BCL11B: variants seen among roughly 807,000 people sequenced by gnomAD.
BCL11B encodes BCL11 transcription factor B.
In BCL11B, 8 loss-of-function variants were observed where a neutral mutation model predicts 49.9. The ratio of observed to expected loss-of-function variants is 0.16; its 90% CI spans 0.09 to 0.29. BCL11B has a LOEUF of 0.29. BCL11B is among the 10% of genes least tolerant of loss of function. BCL11B has a pLI of 1.00. For synonymous variants in BCL11B, 739 were observed against 637.4 expected, an observed-to-expected ratio of 1.16 and a Z score of -2.40; for missense variants, 1,006 against 1,351.0, an observed-to-expected ratio of 0.74 and a Z score of 4.00.
rs1178715307 is a variant in BCL11B, at chr14:99,228,670, CAGA to C, written c.640+2672_640+2674del. ...TAAAATCTAAAAAGGCCTTTAATGC[CAGA>C]AGAAGAGCCAAAGCCAAAGATGTGG... On this transcript the variant is annotated intron_variant, in intron 3 of 3. Transcript: ENST00000357195. The surrounding 1 kb of genome is among the most constrained non-coding windows in gnomAD (Gnocchi z 4.8). 1.3e-5 allele frequency among the ~76,000 whole-genome samples: 2 copies of C among 152,180 alleles called. No homozygotes were observed. The highest frequency in any genetic ancestry group is 2.9e-5 in the Non-Finnish European group (2 of 68,032).
At chr14:99,186,736 C>T (rs1257425) in intron 3 of BCL11B, among the ~76,000 whole-genome samples, 152,095 of 152,360 alleles carry the variant, frequency 1, 75,917 homozygotes, top group Middle Eastern at 1. Flanking sequence ...TTTCCTATTT[C>T]GTCCATGAAA....
chr14:99,199,039 C>G (rs1325391778), intron 3 of BCL11B, among the ~76,000 whole-genome samples: 2 of 152,154 alleles, frequency 1.3e-5, no homozygotes, highest in Non-Finnish European at 2.9e-5. Flanking sequence ...TTTAAAAAAA[C>G]AAACAGAAAG....
chr14:99,255,512 A>G (rs1889136547), intron 2 of BCL11B, among the ~76,000 whole-genome samples: 1 of 151,818 alleles, frequency 6.6e-6, no homozygotes, highest in Non-Finnish European at 1.5e-5. Context: ...AATCACATTT[A>G]GTCACTTTCT....
At chr14:99,229,074 G>A (rs1888247186) in intron 3 of BCL11B, among the ~76,000 whole-genome samples, 1 of 147,620 alleles carries the variant, frequency 6.8e-6, no homozygotes, top group Admixed American at 6.7e-5. Flanking sequence ...ATGGATGGAT[G>A]GATGGATGGA....
chr14:99,243,413 C>G (rs895977872), intron 2 of BCL11B, among the ~76,000 whole-genome samples: 2 of 152,200 alleles, frequency 1.3e-5, no homozygotes, highest in Non-Finnish European at 2.9e-5. Flanking sequence ...CCTGCCCCCA[C>G]GGACTGAACA....
chr14:99,214,670 A>AT (rs1292702088), intron 3 of BCL11B, among the ~76,000 whole-genome samples: 2 of 151,638 alleles, frequency 1.3e-5, no homozygotes, highest in Non-Finnish European at 3.0e-5. Context: ...TAAATATTAA[A>AT]AAAATAAATA....
chr14:99,255,356 G>A (rs1235230828), intron 2 of BCL11B, among the ~76,000 whole-genome samples: 9 of 125,286 alleles, frequency 7.2e-5, no homozygotes, highest in Admixed American at 5.0e-4. Context: ...AATATCTTTC[G>A]TCACACATAA....
chr14:99,250,061 A>T (rs1187275713), intron 2 of BCL11B, among the ~76,000 whole-genome samples: 3 of 132,656 alleles, frequency 2.3e-5, no homozygotes, highest in East Asian at 4.7e-4. Flanking sequence ...TTTGAGATGG[A>T]ATCTCCTTCT....
chr14:99,169,996 G>A lies in BCL11B; in HGVS notation c.*4155C>T, dbSNP rs138172140. ...TCTCGGGATCATCTGCTTCCGTGTTGGTTTTTTAAACACAAAACAGAAGCA... is the reference window on the plus strand; with the variant it reads ...TCTCGGGATCATCTGCTTCCGTGTTAGTTTTTTAAACACAAAACAGAAGCA... On this transcript the variant is annotated 3_prime_UTR_variant, in exon 4 of 4. Coordinates refer to ENST00000357195, the MANE Select transcript of BCL11B (RefSeq NM_138576.4). The A allele has an allele frequency of 8.7e-3, 1,996 of 228,602 alleles. 47 individuals are homozygous for A. Among genetic ancestry groups the A allele is most frequent in the African/African-American group, 0.041 (1,865 of 45,110 alleles). 14.2% of individuals were successfully genotyped at this position (228,602 alleles called of 1,614,324 possible).
Position 99,241,197 on chromosome 14 carries a change from A to T in BCL11B, c.428-9640T>A, listed in dbSNP as rs1454087715. 6.6e-6 allele frequency among the ~76,000 whole-genome samples: 1 copy of T among 151,944 alleles called. No homozygotes were observed. Among genetic ancestry groups the T allele is most frequent in the East Asian group, 1.9e-4 (1 of 5,178 alleles). The stretch of plus-strand genomic sequence containing the variant: ...AAACTGTTTTTTTATTATTTTTTTT[A>T]AATCTACAGCCTCTGTTTGGCTGTA... On this transcript the variant is annotated intron_variant, in intron 2 of 3. Transcript: ENST00000357195. This position sits in a 1 kb window ranked among gnomAD's most constrained non-coding sequence, Gnocchi z 4.4.
chr14:99,243,384 C>T (rs1049831027), intron 2 of BCL11B, among the ~76,000 whole-genome samples: 3 of 152,158 alleles, frequency 2.0e-5, no homozygotes, highest in Non-Finnish European at 2.9e-5. Context: ...GATTCCTTTC[C>T]CTTTTGCAAA....
chr14:99,246,521 G>GGGGCACCGCTCGCAGGGGA (rs1888844932), intron 2 of BCL11B, among the ~76,000 whole-genome samples: 1 of 152,240 alleles, frequency 6.6e-6, no homozygotes, highest in Non-Finnish European at 1.5e-5. Context: ...AGCCGGGAAA[G>GGGGCACCGCTCGCAGGGGA]GGGCACCGCT....
At chr14:99,224,337 A>G (rs1409643907) in intron 3 of BCL11B, among the ~76,000 whole-genome samples, 1 of 152,154 alleles carries the variant, frequency 6.6e-6, no homozygotes, top group African/African-American at 2.4e-5. Context: ...CTGAGCCCCA[A>G]TATCCTCATA....
In BCL11B at chr14:99,177,623, C is replaced by G. The variant is rs112499072; in HGVS notation, c.641-1428G>C. ...TGGCATGCGAGATCTTGAAAGATCC[C>G]TTTTGTTTTCTCAAACTTTCATCTA... On this transcript the variant is annotated intron_variant, in intron 3 of 3. Coordinates refer to ENST00000357195, the MANE Select transcript of BCL11B (RefSeq NM_138576.4). 2.1e-3 allele frequency among the ~76,000 whole-genome samples: 323 copies of G among 150,496 alleles called. 1 individual carries two copies. The highest frequency in any genetic ancestry group is 7.6e-3 in the African/African-American group (312 of 40,850).
intron 2 of BCL11B, among the ~76,000 whole-genome samples, chr14:99,240,800 GCA>G (rs1172640274): frequency 1.4e-4 from 22 of 152,328 alleles, no homozygotes; most frequent in African/African-American, 5.3e-4. Flanking sequence ...AAGATTGTTA[GCA>G]CATTAACGCT....
chr14:99,181,487 G>A (rs972938798), intron 3 of BCL11B, among the ~76,000 whole-genome samples: 5 of 152,226 alleles, frequency 3.3e-5, no homozygotes, highest in African/African-American at 1.2e-4. Flanking sequence ...CCTGAGCAGG[G>A]CTCCAGCCCC....
At chr14:99,203,303 C>T (rs1031815227) in intron 3 of BCL11B, among the ~76,000 whole-genome samples, 1 of 152,170 alleles carries the variant, frequency 6.6e-6, no homozygotes, top group African/African-American at 2.4e-5. Context: ...AGGGAAATAA[C>T]CCGTGAAGCC....
In BCL11B at chr14:99,174,301, C is replaced by T; in HGVS notation, c.2535G>A (p.Thr845=). ...ACACCTCCTTGCCGATCTGCCCGTGCGTCTTCATGTGGCGCGTGAGCTTGC... is the reference window on the plus strand; with the variant it reads ...ACACCTCCTTGCCGATCTGCCCGTGTGTCTTCATGTGGCGCGTGAGCTTGC... ...QSSKLTRHMK[T]HGQIGKEVYR... Residue 845 remains threonine, a synonymous_variant, in exon 4 of 4, where the codon ACG becomes ACA. Transcript: ENST00000357195. The T allele has an allele frequency of 1.9e-6, 3 of 1,613,474 alleles. No individual in the cohort carries two copies. The highest frequency in any genetic ancestry group is 1.3e-5 in the African/African-American group (1 of 75,070).
At chr14:99,191,515 A>G (rs1336370844) in intron 3 of BCL11B, among the ~76,000 whole-genome samples, 3 of 152,170 alleles carry the variant, frequency 2.0e-5, no homozygotes, top group Non-Finnish European at 2.9e-5. Flanking sequence ...GGCCCACACC[A>G]TCTACTTCTC....
Sources: allele counts gnomAD v4.1 joint callset (sites outside exome capture counted in the v4.1 genomes callset), GRCh38; gene constraint gnomAD v4.1.1; non-coding constraint Gnocchi (gnomAD v3.1); transcripts MANE v1.5; gene names NCBI Gene and HGNC (gene_info 2026-07-23, HGNC 2026-07-21).